The following PLEKHA1 variants were observed in gnomAD, a reference collection of about 807,000 sequenced individuals.
The protein encoded by PLEKHA1 is pleckstrin homology domain containing A1, also known as pleckstrin homology domain-containing family A member 1.
In PLEKHA1, 34 loss-of-function variants were observed where a neutral mutation model predicts 52.0. The observed-to-expected ratio is 0.65, with a 90% CI of 0.50 to 0.87. The LOEUF is 0.87. PLEKHA1 is among the 40% of genes least tolerant of loss of function. The pLI is 0.00. For synonymous variants in PLEKHA1, 163 were observed against 170.7 expected (o/e 0.95, Z 0.35); for missense variants, 497 against 504.2 (o/e 0.99, Z 0.14).
intron 2 of PLEKHA1, among the ~76,000 whole-genome samples, chr10:122,396,917 A>C (rs181975830): frequency 1.5e-4 from 23 of 152,204 alleles, no homozygotes; most frequent in Admixed American, 1.2e-3. Flanking sequence ...AAGATATATT[A>C]TAAAAAGAGC....
chr10:122,399,331 A>C (rs940753131), intron 3 of PLEKHA1, among the ~76,000 whole-genome samples: 2 of 152,124 alleles, frequency 1.3e-5, no homozygotes, highest in African/African-American at 4.8e-5. Context: ...GCATGGCAAT[A>C]GTTGTGAATG....
At chr10:122,439,353 G>A in the PLEKHA1 span, 18 of 149,424 alleles carry the variant, frequency 1.2e-4, no homozygotes, top group Non-Finnish European at 2.1e-4. Context: ...TAGGTTTTGT[G>A]GTGTTTTACT....
downstream of PLEKHA1, chr10:122,434,141 A>T (rs1165319754): frequency 6.6e-6 from 1 of 152,040 alleles, no homozygotes; most frequent in Non-Finnish European, 1.5e-5. Flanking sequence ...TGGACACCTG[A>T]TTGTTACCAT....
intron 5 of PLEKHA1, among the ~76,000 whole-genome samples, chr10:122,409,872 C>T (rs924296316): frequency 5.9e-5 from 9 of 152,022 alleles, no homozygotes; most frequent in South Asian, 2.1e-4. Context: ...CCTCCGCCAC[C>T]GGGGTTCAAG....
At chr10:122,386,960 G>A (rs1047308228) in intron 1 of PLEKHA1, 2 of 151,972 alleles carry the variant, frequency 1.3e-5, no homozygotes, top group Non-Finnish European at 2.9e-5. Flanking sequence ...CAAAGAATTT[G>A]TTTACTTCTA....
chr10:122,411,348 T>C (rs1005328877), intron 5 of PLEKHA1, among the ~76,000 whole-genome samples: 5 of 152,230 alleles, frequency 3.3e-5, no homozygotes, highest in African/African-American at 1.2e-4. Context: ...ATCCATAAAT[T>C]ACATTTGTGT....
At chr10:122,392,218 A>T (rs2096785794) in intron 1 of PLEKHA1, 1 of 152,134 alleles carries the variant, frequency 6.6e-6, no homozygotes. Flanking sequence ...AGTCTATTTT[A>T]ATCTATAATG....
chr10:122,385,833 A>G (rs2096686462), intron 1 of PLEKHA1, among the ~76,000 whole-genome samples: 1 of 152,188 alleles, frequency 6.6e-6, no homozygotes, highest in African/African-American at 2.4e-5. Flanking sequence ...TATTTTGCCA[A>G]GTAATATTTT....
At chr10:122,429,371 T>C (rs989826953) in intron 11 of PLEKHA1, among the ~76,000 whole-genome samples, 2 of 152,198 alleles carry the variant, frequency 1.3e-5, no homozygotes, top group African/African-American at 4.8e-5. Flanking sequence ...TCAGCTTTGG[T>C]GACGGAACTG....
chr10:122,429,480 T>C (rs1206104800), intron 11 of PLEKHA1, 144 bp from the exon 12 acceptor site: 1 of 825,682 alleles, frequency 1.2e-6, no homozygotes, highest in Non-Finnish European at 1.8e-6. Flanking sequence ...GCTGCATGGC[T>C]TCTGCTGCTG....
chr10:122,397,892 A>C (rs1398005196), intron 2 of PLEKHA1, 26 bp from the exon 3 acceptor site: 14 of 1,513,468 alleles, frequency 9.3e-6, no homozygotes, highest in Non-Finnish European at 1.2e-5. Context: ...TTGGATATTA[A>C]GTATATATTA....
rs373945206 is a variant in PLEKHA1 at position 122,389,574 on chromosome 10, C to T, written c.-20-3607C>T. On this transcript the variant is annotated intron_variant, in intron 1 of 11. Coordinates refer to ENST00000368990, the MANE Select transcript of PLEKHA1 (RefSeq NM_001001974.4). ...AATTAGTCAGGCATGATGGCATGTG[C>T]CTGTAATCCCAGTTACTTGGGAGGC... 1.7e-4 allele frequency among the ~76,000 whole-genome samples: 26 copies of T among 152,232 alleles called. No homozygotes were observed. The East Asian group carries it at 3.9e-3, about 23-fold the overall frequency.
chr10:122,387,358 A>C (rs1047189751), intron 1 of PLEKHA1: 3 of 152,152 alleles, frequency 2.0e-5, no homozygotes, highest in Admixed American at 2.0e-4. Flanking sequence ...CATTTAGTTA[A>C]GAATGTTTTC....
At chr10:122,396,524 A>G (rs1490829835) in intron 2 of PLEKHA1, among the ~76,000 whole-genome samples, 2 of 152,094 alleles carry the variant, frequency 1.3e-5, no homozygotes, top group African/African-American at 2.4e-5. Flanking sequence ...GAGTTTTACA[A>G]TATATAGGTG....
intron 1 of PLEKHA1, among the ~76,000 whole-genome samples, chr10:122,390,481 T>C (rs949264824): frequency 6.6e-6 from 1 of 152,184 alleles, no homozygotes; most frequent in Non-Finnish European, 1.5e-5. Flanking sequence ...GCTTTTGGTT[T>C]AAAGCGAGAC....
intron 1 of PLEKHA1, among the ~76,000 whole-genome samples, chr10:122,386,342 C>T (rs187238752): frequency 3.4e-4 from 51 of 150,208 alleles, no homozygotes; most frequent in African/African-American, 1.1e-3. Context: ...ATTTGGTTGT[C>T]TTATTATTGA....
At chr10:122,387,018 A>G (rs1018259201) in intron 1 of PLEKHA1, 14 of 152,290 alleles carry the variant, frequency 9.2e-5, no homozygotes, top group Non-Finnish European at 1.5e-5. Flanking sequence ...CTTAATGTCT[A>G]TAGGGTGTGT....
At chr10:122,425,211 A>G in intron 10 of PLEKHA1, 1 of 310,986 alleles carries the variant, frequency 3.2e-6, no homozygotes, top group Non-Finnish European at 5.8e-6. Flanking sequence ...TTTAATTTAG[A>G]TGTTAAGTGT....
chr10:122,377,741 G>C (rs987894123), intron 1 of PLEKHA1, among the ~76,000 whole-genome samples: 2 of 152,142 alleles, frequency 1.3e-5, no homozygotes, highest in Admixed American at 1.3e-4. Flanking sequence ...TTTCTTGTGG[G>C]TACTGTCTAA....
Sources: allele counts gnomAD v4.1 joint callset (sites outside exome capture counted in the v4.1 genomes callset), GRCh38; gene constraint gnomAD v4.1.1; transcripts MANE v1.5; gene names NCBI Gene and HGNC (gene_info 2026-07-23, HGNC 2026-07-21).